MCPH1: variants seen among roughly 807,000 people sequenced by gnomAD.
MCPH1 encodes microcephalin 1.
In MCPH1, 104 loss-of-function variants were observed where a neutral mutation model predicts 84.5. The observed-to-expected ratio is 1.23, with a 90% confidence interval of 1.05 to 1.45. The LOEUF (loss-of-function observed/expected upper bound fraction) is 1.45, where lower values mean the gene tolerates loss of function less well. Ranked by LOEUF, MCPH1 falls within the 40% of genes most tolerant of loss-of-function variation. The pLI, the probability that MCPH1 is intolerant of heterozygous loss-of-function variation, is 0.00. For synonymous variants in MCPH1, 514 were observed against 366.8 expected (o/e 1.40, Z -4.58); for missense variants, 1,498 against 1,005.7 (o/e 1.49, Z -6.62).
intron 12 of MCPH1, among the ~76,000 whole-genome samples, chr8:6,546,515 T>G (rs762949731): frequency 4.7e-5 from 7 of 148,848 alleles, no homozygotes; most frequent in Non-Finnish European, 8.9e-5. Flanking sequence ...TCACTGGGGT[T>G]ACTTAAGAAA....
intron 2 of MCPH1, 89 bp downstream of exon 2, chr8:6,409,459 A>G (rs1441956670): frequency 9.0e-7 from 1 of 1,116,158 alleles, no homozygotes; most frequent in African/African-American, 1.5e-5. Context: ...GGGAGTTTTT[A>G]CTTAGAATCT....
At chr8:6,549,968 A>G (rs1249730511) in intron 12 of MCPH1, among the ~76,000 whole-genome samples, 3 of 152,244 alleles carry the variant, frequency 2.0e-5, no homozygotes, top group Non-Finnish European at 4.4e-5. Context: ...CAGCAGCTAG[A>G]TCCATGAAAA....
chr8:6,406,830 C>A (rs1196673304), intron 1 of MCPH1, 141 bp downstream of exon 1: 19 of 760,412 alleles, frequency 2.5e-5, no homozygotes, highest in Non-Finnish European at 4.2e-5. Flanking sequence ...CCCCCTGCCG[C>A]CTCCTTCCTC....
chr8:6,474,291 C>G (rs1002371776), intron 9 of MCPH1: 1 of 525,184 alleles, frequency 1.9e-6, no homozygotes, highest in Non-Finnish European at 3.5e-6. Flanking sequence ...GATTTTGATT[C>G]TGATATGTGG....
chr8:6,591,340 A>C (rs1204351689), intron 12 of MCPH1, among the ~76,000 whole-genome samples: 2 of 152,180 alleles, frequency 1.3e-5, no homozygotes, highest in Non-Finnish European at 2.9e-5. Context: ...CTCTAGGGCT[A>C]GTGTTTATTA....
intron 12 of MCPH1, among the ~76,000 whole-genome samples, chr8:6,524,319 G>A (rs900731216): frequency 6.6e-6 from 1 of 152,160 alleles, no homozygotes; most frequent in Non-Finnish European, 1.5e-5. Flanking sequence ...TTCTGTTAAT[G>A]TCACATTAGA....
chr8:6,602,708 A>C (rs1829467396), intron 12 of MCPH1, among the ~76,000 whole-genome samples: 1 of 151,708 alleles, frequency 6.6e-6, no homozygotes, highest in Non-Finnish European at 1.5e-5. Context: ...TTTGTGACAG[A>C]TCTTATCATC....
At chr8:6,583,501 T>C (rs1242592520) in intron 12 of MCPH1, among the ~76,000 whole-genome samples, 1 of 152,170 alleles carries the variant, frequency 6.6e-6, no homozygotes, top group Non-Finnish European at 1.5e-5. Context: ...AGAGATCAAG[T>C]GTGTGTGCAT....
chr8:6,632,627 G>A (rs1189237102), intron 13 of MCPH1, among the ~76,000 whole-genome samples: 1 of 152,114 alleles, frequency 6.6e-6, no homozygotes, highest in African/African-American at 2.4e-5. Context: ...GGCTAACACA[G>A]TGAAACCCCA....
rs530898245 is a variant in MCPH1 at position 6,439,100 on chromosome 8, A to C, written c.580+4A>C. On this transcript the variant is annotated splice_donor_region_variant and intron_variant, in intron 6 of 13. Transcript: ENST00000344683. ...AGGGAAAATCTTTCCCCCACCTGTA[A>C]GTAATTAGTTTGTAAAATGAAAATT... 2 of 1,612,466 alleles carry C rather than the reference A, an allele frequency of 1.2e-6. No individual in the cohort carries two copies. Among genetic ancestry groups the C allele is most frequent in the Non-Finnish European group, 1.7e-6 (2 of 1,179,332 alleles).
chr8:6,504,927 G>C (rs1812980127), intron 12 of MCPH1, among the ~76,000 whole-genome samples: 1 of 151,900 alleles, frequency 6.6e-6, no homozygotes, highest in East Asian at 1.9e-4. Flanking sequence ...CTGTAACCTT[G>C]ATTTTACATA....
intron 13 of MCPH1, chr8:6,627,371 T>G (rs1308389314): frequency 3.5e-6 from 3 of 855,394 alleles, no homozygotes; most frequent in East Asian, 2.5e-4. Context: ...GCCCCTCTCC[T>G]CCAAGGACGG....
chr8:6,553,403 A>G (rs1824016855), intron 12 of MCPH1, among the ~76,000 whole-genome samples: 1 of 152,216 alleles, frequency 6.6e-6, no homozygotes, highest in African/African-American at 2.4e-5. Context: ...TGATGGTTAC[A>G]TAGTTAAAAG....
chr8:6,608,366 A>G (rs1018539947), intron 12 of MCPH1, among the ~76,000 whole-genome samples: 4 of 152,228 alleles, frequency 2.6e-5, no homozygotes, highest in African/African-American at 9.6e-5. Flanking sequence ...GTAGCACTGT[A>G]TCCATCAAAA....
At chr8:6,509,214 G>T in intron 12 of MCPH1, 1 of 961,828 alleles carries the variant, frequency 1.0e-6, no homozygotes, top group Non-Finnish European at 1.5e-6. Flanking sequence ...ATTTTGCACT[G>T]GTATAAACAG....
chr8:6,613,726 G>A (rs1346977372), intron 12 of MCPH1, among the ~76,000 whole-genome samples: 10 of 152,228 alleles, frequency 6.6e-5, no homozygotes, highest in East Asian at 3.9e-4. Flanking sequence ...TCAGGGCCGA[G>A]AGGAATGACA....
chr8:6,550,234 G>T (rs991972216), intron 12 of MCPH1, among the ~76,000 whole-genome samples: 29 of 152,262 alleles, frequency 1.9e-4, no homozygotes, highest in Non-Finnish European at 3.1e-4. Context: ...TGGCTGCGAA[G>T]GGTGGCGGCG....
At chr8:6,413,674 C>A (rs898678829) in intron 2 of MCPH1, among the ~76,000 whole-genome samples, 3 of 151,440 alleles carry the variant, frequency 2.0e-5, no homozygotes, top group African/African-American at 7.3e-5. Flanking sequence ...TTACTTATGT[C>A]ATCTTTTCTT....
intron 3 of MCPH1, among the ~76,000 whole-genome samples, chr8:6,417,656 T>C (rs1236229881): frequency 6.6e-6 from 1 of 152,216 alleles, no homozygotes; most frequent in Admixed American, 6.5e-5. Context: ...GTATACATTC[T>C]TTTTATTTCG....
Sources: allele counts gnomAD v4.1 joint callset (sites outside exome capture counted in the v4.1 genomes callset), GRCh38; gene constraint gnomAD v4.1.1; transcripts MANE v1.5; gene names NCBI Gene and HGNC (gene_info 2026-07-23, HGNC 2026-07-21).